The following HAO1 variants were observed in gnomAD, a reference collection of about 807,000 sequenced individuals.
HAO1 encodes the protein hydroxyacid oxidase 1, also known as 2-Hydroxyacid oxidase 1.
A neutral mutation model predicts 39.7 loss-of-function variants in HAO1; 34 were observed. The observed-to-expected ratio is 0.86, with a 90% CI of 0.65 to 1.14. HAO1 has a LOEUF of 1.14. Among genes scored for constraint, HAO1 ranks in the 50% most tolerant of loss-of-function variants. The pLI, the probability that HAO1 is intolerant of heterozygous loss-of-function variation, is 0.00. For missense variants in HAO1, 479 were observed against 464.5 expected, an observed-to-expected ratio of 1.03 and a Z score of -0.29; for synonymous variants, 172 against 173.2, an observed-to-expected ratio of 0.99 and a Z score of 0.05.
At position 7,903,552 on chromosome 20, in the gene HAO1, G is replaced by GT. The variant is rs796438315; in HGVS notation, c.721+2601dup. 8.6e-5 allele frequency among the ~76,000 whole-genome samples: 13 copies of GT among 150,940 alleles called. No homozygotes were observed. The East Asian group carries it at 2.5e-3, about 29-fold the overall frequency. On this transcript the variant is annotated intron_variant, in intron 4 of 7. Transcript: ENST00000378789. ...GGTGGTGGTGGAGGTGGTGGTGGTT[G>GT]TCTTGGTAATGGTGGTGTTGATGGT... is the stretch of plus-strand genomic sequence containing the variant.
chr20:7,883,492 A>C lies in HAO1; in HGVS notation c.*101T>G, dbSNP rs925709345. 4 of 846,490 alleles carry C rather than the reference A, an allele frequency of 4.7e-6. No homozygotes were observed. In the African/African-American group the frequency reaches 6.7e-5, roughly 14 times the overall value. 52.4% of individuals were successfully genotyped at this position (846,490 alleles called of 1,614,324 possible). ...AAAAGAACGACACCCTTTGTATTGAAGTGGGGAATTACAGACTGTGGTCAC... is the reference window on the plus strand; with the variant it reads ...AAAAGAACGACACCCTTTGTATTGACGTGGGGAATTACAGACTGTGGTCAC... On this transcript the variant is annotated 3_prime_UTR_variant, in exon 8 of 8. Transcript: ENST00000378789.
At chr20:7,938,192 T>C (rs1743269450) in intron 1 of HAO1, among the ~76,000 whole-genome samples, 2 of 152,172 alleles carry the variant, frequency 1.3e-5, no homozygotes, top group Non-Finnish European at 2.9e-5. Flanking sequence ...ACCCAAAGTC[T>C]CCACAACCCT....
In HAO1 at chr20:7,883,662, C is replaced by T. The variant is rs753536886; in HGVS notation, c.1044G>A (p.Gly348=). The stretch of plus-strand genomic sequence containing the variant: ...TGTCGATGACTTTCACATTCTGGCA[C>T]CCTGAAAAAATAATGCATACATTTA... The part of the protein sequence containing the change: ...EEFRLAMALS[G]CQNVKVIDKT... Residue 348 remains glycine, a splice_region_variant and synonymous_variant, in exon 8 of 8, where the codon GGG becomes GGA. Coordinates refer to ENST00000378789, the MANE Select transcript of HAO1 (RefSeq NM_017545.3). 2 of 1,607,944 alleles carry T rather than the reference C, an allele frequency of 1.2e-6. No homozygotes were observed. The highest frequency in any genetic ancestry group is 2.2e-5 in the East Asian group (1 of 44,808).
intron 4 of HAO1, among the ~76,000 whole-genome samples, chr20:7,899,605 C>T (rs2050212438): frequency 6.6e-6 from 1 of 152,106 alleles, no homozygotes; most frequent in South Asian, 2.1e-4. Flanking sequence ...GGAGAAATGA[C>T]ATAATGATTT....
At chr20:7,937,235 C>T (rs1463018115) in intron 1 of HAO1, among the ~76,000 whole-genome samples, 2 of 152,104 alleles carry the variant, frequency 1.3e-5, no homozygotes, top group East Asian at 3.9e-4. Context: ...ACACCCATGC[C>T]TCACCCAGCT....
In HAO1 at chr20:7,935,472, T is replaced by G. The variant is rs369508815; in HGVS notation, c.138-837A>C. On this transcript the variant is annotated intron_variant, in intron 1 of 7. Transcript: ENST00000378789. Reference sequence around the variant, plus strand: ...TCTTTTTATGTGATAAACAGCAGCTTCAGGCAATTACTTTTAAAATTATAA... The same window carrying G: ...TCTTTTTATGTGATAAACAGCAGCTGCAGGCAATTACTTTTAAAATTATAA... 2.0e-4 allele frequency among the ~76,000 whole-genome samples: 30 copies of G among 152,336 alleles called. No homozygotes were observed. In the South Asian group the frequency reaches 6.2e-3, roughly 32 times the overall value.
intron 5 of HAO1, 104 bp downstream of exon 5, chr20:7,895,029 T>C (rs1405668657): frequency 5.2e-6 from 4 of 762,944 alleles, no homozygotes; most frequent in Non-Finnish European, 9.2e-6. Context: ...TCACCTTGAG[T>C]GATTACACAA....
intron 5 of HAO1, 120 bp downstream of exon 5, chr20:7,895,013 C>T (rs765967179): frequency 2.5e-4 from 168 of 685,688 alleles, no homozygotes; most frequent in Non-Finnish European, 3.7e-4. Context: ...CATATTTGCA[C>T]GTATTTCACC....
At chr20:7,914,778 G>A (rs1229279411) in intron 2 of HAO1, among the ~76,000 whole-genome samples, 1 of 152,166 alleles carries the variant, frequency 6.6e-6, no homozygotes, top group Non-Finnish European at 1.5e-5. Flanking sequence ...TTAGGGGATT[G>A]GTTAAATTGT....
intron 4 of HAO1, among the ~76,000 whole-genome samples, chr20:7,898,524 C>T (rs2050207309): frequency 6.6e-6 from 1 of 152,042 alleles, no homozygotes; most frequent in Admixed American, 6.6e-5. Flanking sequence ...CATTTTAAAC[C>T]AGAAGCCCAG....
chr20:7,905,463 T>G (rs2050243169), intron 4 of HAO1, among the ~76,000 whole-genome samples: 3 of 152,218 alleles, frequency 2.0e-5, no homozygotes, highest in Admixed American at 2.0e-4. Context: ...AAAAAGTTTT[T>G]GGCAGTTATC....
At chr20:7,891,349 A>G (rs1359333377) in intron 5 of HAO1, among the ~76,000 whole-genome samples, 2 of 152,118 alleles carry the variant, frequency 1.3e-5, no homozygotes, top group Non-Finnish European at 2.9e-5. Context: ...TCTTCTTTTG[A>G]GAATTGTCTA....
chr20:7,899,417 T>C (rs2122760792), intron 4 of HAO1, among the ~76,000 whole-genome samples: 1 of 152,204 alleles, frequency 6.6e-6, no homozygotes, highest in East Asian at 1.9e-4. Context: ...GAGAAAGATT[T>C]ATTTGCAGGA....
intron 4 of HAO1, among the ~76,000 whole-genome samples, chr20:7,898,202 C>T (rs558045071): frequency 6.6e-6 from 1 of 152,188 alleles, no homozygotes; most frequent in South Asian, 2.1e-4. Flanking sequence ...TCAGTCAGTC[C>T]CCTTGCGTTT....
intron 1 of HAO1, among the ~76,000 whole-genome samples, chr20:7,936,503 C>CGCGTGTGTGTGTGT (rs2050410838): frequency 9.2e-6 from 1 of 109,164 alleles, no homozygotes; most frequent in African/African-American, 3.7e-5. Flanking sequence ...GGGCAGCAGC[C>CGCGTGTGTGTGTGT]GTGTGTGTGT....
intron 1 of HAO1, among the ~76,000 whole-genome samples, chr20:7,936,331 T>C (rs1013982475): frequency 1.2e-4 from 19 of 152,152 alleles, no homozygotes; most frequent in African/African-American, 3.9e-4. Flanking sequence ...AGCAGAAGCC[T>C]TGAAGAGAGT....
chr20:7,919,397 A>G (rs976222089), intron 2 of HAO1, among the ~76,000 whole-genome samples: 1 of 151,794 alleles, frequency 6.6e-6, no homozygotes, highest in African/African-American at 2.4e-5. Flanking sequence ...ACAGTGATAC[A>G]CTGTGCCATT....
intron 2 of HAO1, among the ~76,000 whole-genome samples, chr20:7,930,433 G>T (rs558203746): frequency 4.6e-5 from 7 of 152,168 alleles, no homozygotes; most frequent in African/African-American, 1.7e-4. Flanking sequence ...TTCTTACACT[G>T]TTACTTAAAT....
chr20:7,896,382 G>T (rs972521803), intron 4 of HAO1, among the ~76,000 whole-genome samples: 1 of 152,208 alleles, frequency 6.6e-6, no homozygotes, highest in Non-Finnish European at 1.5e-5. Flanking sequence ...ATAGGTCATT[G>T]GTAATCTGTA....
Sources: gnomAD v4.1 joint callset for allele counts (sites outside exome capture counted in the v4.1 genomes callset) on GRCh38, gnomAD v4.1.1 for gene constraint, MANE v1.5 for transcripts, NCBI Gene and HGNC (gene_info 2026-07-23, HGNC 2026-07-21) for gene names.